Variants in PCDHGA2 observed in about 807,000 individuals in gnomAD.
PCDHGA2 encodes the protein protocadherin gamma-A2.
In PCDHGA2, 40 loss-of-function variants were observed where a neutral mutation model predicts 59.2. That is an observed-to-expected ratio of 0.68 (90% CI 0.52 to 0.88). PCDHGA2 has a LOEUF of 0.88. Among genes scored for constraint, PCDHGA2 ranks in the 40% least tolerant of loss-of-function variants. The pLI is 0.00. For synonymous variants in PCDHGA2, 560 were observed against 526.0 expected (o/e 1.06, Z -0.89); for missense variants, 1,226 against 1,204.0 (o/e 1.02, Z -0.27).
chr5:141,351,989 G>C, intron 1 of PCDHGA2: 1 of 1,611,288 alleles, frequency 6.2e-7, no homozygotes, highest in East Asian at 2.2e-5. Flanking sequence ...GGTGCCACGC[G>C]CCGCAGAGCC....
intron 1 of PCDHGA2, chr5:141,426,867 G>C (rs1436078091): frequency 2.2e-6 from 1 of 456,590 alleles, no homozygotes; most frequent in African/African-American, 2.0e-5. Flanking sequence ...ATTAGTGCTG[G>C]AGAAGCCCCT....
At chr5:141,409,638 C>A (rs1040366842) in intron 1 of PCDHGA2, 1 of 1,613,648 alleles carries the variant, frequency 6.2e-7, no homozygotes, top group Admixed American at 1.7e-5. Flanking sequence ...GCCTCTGACC[C>A]GGATTTGGGG....
intron 1 of PCDHGA2, chr5:141,392,164 A>C (rs2092476759): frequency 1.3e-5 from 2 of 152,244 alleles, no homozygotes; most frequent in African/African-American, 4.8e-5. Flanking sequence ...ACAATTTCTG[A>C]GTCAGTCATC....
chr5:141,431,554 C>A lies in PCDHGA2; in HGVS notation c.2425-63253C>A, dbSNP rs766242338. On this transcript the variant is annotated intron_variant, in intron 1 of 3. Coordinates refer to ENST00000394576, the MANE Select transcript of PCDHGA2 (RefSeq NM_018915.4). The surrounding 1 kb of genome is among the most constrained non-coding windows in gnomAD (Gnocchi z 4.8). ...TGGGCACGCAGCTGCTTGTAGTCAA[C>A]GCTACCGACCCTGACGAAGGAGTCA... 1.2e-6 allele frequency: 2 copies of A among 1,614,008 alleles called. No individual in the cohort carries two copies. Among genetic ancestry groups the A allele is most frequent in the African/African-American group, 1.3e-5 (1 of 74,942 alleles).
At chr5:141,420,432 T>C in intron 1 of PCDHGA2, 2 of 1,149,120 alleles carry the variant, frequency 1.7e-6, no homozygotes, top group Non-Finnish European at 2.3e-6. Flanking sequence ...AAAGTTTAAA[T>C]TAAATGCCTC....
intron 1 of PCDHGA2, chr5:141,423,316 G>C (rs1424301976): frequency 1.2e-6 from 2 of 1,614,044 alleles, no homozygotes; most frequent in Non-Finnish European, 1.7e-6. Context: ...CTTGGTGGTG[G>C]CGGTGGCCGC....
chr5:141,421,888 C>T (rs1387624358), intron 1 of PCDHGA2: 5 of 1,613,746 alleles, frequency 3.1e-6, no homozygotes. Flanking sequence ...TGGAGGCGAT[C>T]CCATCCGAAA....
Position 141,485,741 on chromosome 5 carries a change from C to A in PCDHGA2, c.2425-9066C>A. 6.2e-7 allele frequency: 1 copy of A among 1,614,180 alleles called. No homozygotes were observed. Among genetic ancestry groups the A allele is most frequent in the Non-Finnish European group, 8.5e-7 (1 of 1,179,992 alleles). On this transcript the variant is annotated intron_variant, in intron 1 of 3. Coordinates refer to ENST00000394576, the MANE Select transcript of PCDHGA2 (RefSeq NM_018915.4). This position sits in a 1 kb window ranked among gnomAD's most constrained non-coding sequence, Gnocchi z 5.7. ...TGTGAAGAAGCGCAGCGACGGCAGC[C>A]TGGTCCCAGAGCTGCTCCTGGAGAA...
rs371821042 is a variant in PCDHGA2, at chr5:141,421,764, T to C, written c.2425-73043T>C. The C allele has an allele frequency of 8.7e-6, 14 of 1,613,782 alleles. No individual in the cohort carries two copies. The African/African-American group carries it at 1.5e-4, about 17-fold the overall frequency. ...ACCAGCTCAGCCCTAATAATTACTT[T>C]TCCTTGCAACTGCGGGGCAGAACGG... On this transcript the variant is annotated intron_variant, in intron 1 of 3. Transcript: ENST00000394576.
chr5:141,419,692 C>T (rs2096416788), intron 1 of PCDHGA2: 15 of 1,612,780 alleles, frequency 9.3e-6, no homozygotes, highest in Non-Finnish European at 1.3e-5. Context: ...TGGTGCAGGC[C>T]AGTGAGCCCG....
chr5:141,341,746 A>G (rs1310255578), intron 1 of PCDHGA2: 1 of 432,240 alleles, frequency 2.3e-6, no homozygotes, highest in Non-Finnish European at 4.1e-6. Context: ...TTAAAAATAT[A>G]AAGATTGGAG....
chr5:141,417,874 C>A (rs768197455), intron 1 of PCDHGA2: 2 of 1,555,202 alleles, frequency 1.3e-6, no homozygotes, highest in African/African-American at 2.7e-5. Context: ...GAGGGAGCTG[C>A]GCGCAGAGGC....
chr5:141,360,863 G>T, intron 1 of PCDHGA2: 1 of 1,614,000 alleles, frequency 6.2e-7, no homozygotes, highest in Non-Finnish European at 8.5e-7. Context: ...CCAGTGTTCA[G>T]CCAGGACGTG....
At chr5:141,394,260 G>A (rs779006100) in intron 1 of PCDHGA2, 2 of 1,613,802 alleles carry the variant, frequency 1.2e-6, no homozygotes, top group African/African-American at 2.7e-5. Flanking sequence ...CGACAGCCAG[G>A]AGAATGCCCA....
intron 1 of PCDHGA2, chr5:141,390,668 A>C: frequency 5.2e-6 from 1 of 191,616 alleles, no homozygotes; most frequent in South Asian, 1.1e-4. Flanking sequence ...ATAAATATAA[A>C]AATAATAAAG....
intron 1 of PCDHGA2, chr5:141,387,848 C>A (rs746271589): frequency 1.1e-5 from 18 of 1,597,460 alleles, no homozygotes; most frequent in Non-Finnish European, 1.5e-5. Flanking sequence ...AACCCGGCGT[C>A]TCCAGGCTGG....
At chr5:141,369,931 G>A (rs189671348) in intron 1 of PCDHGA2, among the ~76,000 whole-genome samples, 35 of 152,224 alleles carry the variant, frequency 2.3e-4, no homozygotes, top group African/African-American at 7.9e-4. Flanking sequence ...AAACGTGACG[G>A]GATTGAGCAA....
chr5:141,414,152 A>T, intron 1 of PCDHGA2: 1 of 1,600,994 alleles, frequency 6.2e-7, no homozygotes, highest in Non-Finnish European at 8.5e-7. Flanking sequence ...ATACAAGCAG[A>T]AGATGGAGGA....
At chr5:141,501,869 C>G (rs1595765055) in intron 2 of PCDHGA2, among the ~76,000 whole-genome samples, 1 of 152,130 alleles carries the variant, frequency 6.6e-6, no homozygotes, top group Non-Finnish European at 1.5e-5. Context: ...CCCAGGACGC[C>G]TCCTTACACT....
Sources: allele counts gnomAD v4.1 joint callset (sites outside exome capture counted in the v4.1 genomes callset), GRCh38; gene constraint gnomAD v4.1.1; non-coding constraint Gnocchi (gnomAD v3.1); transcripts MANE v1.5; gene names NCBI Gene and HGNC (gene_info 2026-07-23, HGNC 2026-07-21).